Variants in NDUFAF7 observed in about 807,000 individuals in gnomAD.
NDUFAF7 encodes the protein NADH:ubiquinone oxidoreductase complex assembly factor 7.
NDUFAF7 carries 48 observed loss-of-function variants against 47.2 expected under a neutral mutation model. The ratio of observed to expected loss-of-function variants is 1.02; its 90% CI spans 0.81 to 1.29. The LOEUF is 1.29. NDUFAF7 is among the 50% of genes most tolerant of loss of function. NDUFAF7 has a pLI of 0.00. For synonymous variants in NDUFAF7, 217 were observed against 190.0 expected (o/e 1.14, Z -1.17); for missense variants, 635 against 537.6 (o/e 1.18, Z -1.79).
At chr2:37,260,507 A>AG in the NDUFAF7 span, 1 of 899,660 alleles carries the variant, frequency 1.1e-6, no homozygotes, top group Non-Finnish European at 1.7e-6. Context: ...AACAAAGCAA[A>AG]CAAAATAAAA....
intron 2 of NDUFAF7, among the ~76,000 whole-genome samples, chr2:37,234,991 G>A (rs1406753145): frequency 6.6e-6 from 1 of 152,186 alleles, no homozygotes; most frequent in Non-Finnish European, 1.5e-5. Flanking sequence ...GTTTCTTGAA[G>A]GTTAGGCATC....
At chr2:37,231,883 C>T (rs1665172328) in intron 1 of NDUFAF7, 123 bp downstream of exon 1, 3 of 1,580,698 alleles carry the variant, frequency 1.9e-6, no homozygotes, top group Admixed American at 1.9e-5. Context: ...CTTGAAGGTA[C>T]CCTGGGCTGG....
At chr2:37,235,724 G>C (rs1572531916) in intron 2 of NDUFAF7, among the ~76,000 whole-genome samples, 1 of 151,850 alleles carries the variant, frequency 6.6e-6, no homozygotes, top group East Asian at 1.9e-4. Flanking sequence ...GCGCGATCTC[G>C]GCTTACTGCA....
chr2:37,253,343 T>C, downstream of NDUFAF7: 2 of 1,610,026 alleles, frequency 1.2e-6, no homozygotes, highest in Non-Finnish European at 1.7e-6. Flanking sequence ...AAGCCAAGTC[T>C]GATAGTCCTA....
At chr2:37,236,243 T>C (rs1288060111) in intron 3 of NDUFAF7, 67 bp downstream of exon 3, 1 of 1,331,660 alleles carries the variant, frequency 7.5e-7, no homozygotes, top group African/African-American at 1.4e-5. Context: ...AATTGTATTA[T>C]TCTGTAGTAG....
chr2:37,267,565 T>A, the NDUFAF7 span: 1 of 1,458,794 alleles, frequency 6.9e-7, no homozygotes, highest in Non-Finnish European at 9.6e-7. Context: ...GAGGAACGAA[T>A]GAAGCAAACT....
At chr2:37,264,906 G>T in the NDUFAF7 span, among the ~76,000 whole-genome samples, 2 of 152,166 alleles carry the variant, frequency 1.3e-5, no homozygotes, top group African/African-American at 4.8e-5. Context: ...GAGCTCAAGA[G>T]ATTGGATACT....
At chr2:37,246,566 C>T (rs1666927685) in intron 8 of NDUFAF7, among the ~76,000 whole-genome samples, 1 of 152,330 alleles carries the variant, frequency 6.6e-6, no homozygotes, top group African/African-American at 2.4e-5. Context: ...AAACTACCTA[C>T]TGTAATCATT....
chr2:37,269,783 A>G, the NDUFAF7 span: 1 of 847,254 alleles, frequency 1.2e-6, no homozygotes, highest in South Asian at 1.9e-5. Flanking sequence ...ATACATTTTT[A>G]TGTTAGAAGC....
chr2:37,257,064 A>G, downstream of NDUFAF7: 1 of 1,006,940 alleles, frequency 9.9e-7, no homozygotes, highest in Non-Finnish European at 1.4e-6. Flanking sequence ...ATCACAGATA[A>G]GGAAATTGTA....
At chr2:37,239,596 C>G (rs895186961) in intron 4 of NDUFAF7, among the ~76,000 whole-genome samples, 1 of 152,076 alleles carries the variant, frequency 6.6e-6, no homozygotes, top group South Asian at 2.1e-4. Flanking sequence ...AAAATAACAG[C>G]ACAAATGCCC....
chr2:37,251,737 G>C (rs545541234), downstream of NDUFAF7: 2 of 152,138 alleles, frequency 1.3e-5, no homozygotes, highest in South Asian at 2.1e-4. Flanking sequence ...GACAAAGGGA[G>C]AGGCAAGAAT....
chr2:37,271,200 A>G, the NDUFAF7 span, among the ~76,000 whole-genome samples: 3 of 152,250 alleles, frequency 2.0e-5, no homozygotes, highest in African/African-American at 7.2e-5. Flanking sequence ...TAACAATTTA[A>G]CAATTTTCTG....
At position 37,244,006 on chromosome 2, in the gene NDUFAF7, G is replaced by A. The variant is rs367586762; in HGVS notation, c.792+33G>A. 1.1e-5 allele frequency: 16 copies of A among 1,494,190 alleles called. No homozygotes were observed. The South Asian group carries it at 1.4e-4, about 13-fold the overall frequency. 92.6% of individuals were successfully genotyped at this position (1,494,190 alleles called of 1,614,324 possible). ...TATGCTTTTTTAAGTTTCTTTTATT[G>A]CTCACAGAATCTTCAAAGTCTTATT... is the stretch of plus-strand genomic sequence containing the variant. On this transcript the variant is annotated intron_variant, in intron 7 of 9. Coordinates refer to ENST00000002125, the MANE Select transcript of NDUFAF7 (RefSeq NM_144736.5).
the NDUFAF7 span, among the ~76,000 whole-genome samples, chr2:37,266,575 C>T: frequency 1.3e-5 from 2 of 152,144 alleles, no homozygotes; most frequent in African/African-American, 4.8e-5. Context: ...CAGCCTCCAC[C>T]TTCCAGGTTC....
Position 37,249,107 on chromosome 2 carries a change from A to G in NDUFAF7, c.*757A>G, listed in dbSNP as rs1471035232. 6.6e-6 allele frequency: 1 copy of G among 152,278 alleles called. No individual in the cohort carries two copies. Among genetic ancestry groups the G allele is most frequent in the Non-Finnish European group, 1.5e-5 (1 of 68,100 alleles). 9.4% of individuals were successfully genotyped at this position (152,278 alleles called of 1,614,324 possible). A position where few individuals can be genotyped will look rare whatever the true frequency, so the allele number is the denominator to read the frequency against. On this transcript the variant is annotated 3_prime_UTR_variant, in exon 10 of 10. Transcript: ENST00000002125. ...TGCAAGAGTTTTTATAGTTGATTCC[A>G]TTTTTGTTGAAGGAGAAAAACTAAA... is the stretch of plus-strand genomic sequence containing the variant.
chr2:37,239,955 TTC>T (rs1351433533), intron 4 of NDUFAF7, among the ~76,000 whole-genome samples: 2 of 152,192 alleles, frequency 1.3e-5, no homozygotes, highest in Admixed American at 6.5e-5. Context: ...ATGGTAGATA[TTC>T]TCTCTTGTAT....
chr2:37,242,759 A>C, intron 6 of NDUFAF7, 66 bp downstream of exon 6: 1 of 1,245,434 alleles, frequency 8.0e-7, no homozygotes, highest in South Asian at 1.2e-5. Context: ...GCCAATGTTT[A>C]TGGTATTTAT....
downstream of NDUFAF7, among the ~76,000 whole-genome samples, chr2:37,255,184 T>G (rs1298019709): frequency 6.6e-6 from 1 of 152,232 alleles, no homozygotes; most frequent in Non-Finnish European, 1.5e-5. Flanking sequence ...ACATCTCTTA[T>G]GAGCTTCTTC....
Sources: gnomAD v4.1 joint callset for allele counts (sites outside exome capture counted in the v4.1 genomes callset) on GRCh38, gnomAD v4.1.1 for gene constraint, MANE v1.5 for transcripts, NCBI Gene and HGNC (gene_info 2026-07-23, HGNC 2026-07-21) for gene names.